The following CLDN10 variants were observed in gnomAD, a reference collection of about 807,000 sequenced individuals.
CLDN10 encodes the protein claudin 10.
A neutral mutation model predicts 22.9 loss-of-function variants in CLDN10; 15 were observed. That is an observed-to-expected ratio of 0.65 (90% CI 0.44 to 1.01). CLDN10 has a LOEUF of 1.01. CLDN10 is among the 50% of genes least tolerant of loss of function. CLDN10 has a pLI of 0.00. For synonymous variants in CLDN10, 114 were observed against 111.4 expected (o/e 1.02, Z -0.15); for missense variants, 247 against 287.8 (o/e 0.86, Z 1.03).
intron 1 of CLDN10, among the ~76,000 whole-genome samples, chr13:95,527,181 G>A (rs1466749948): frequency 1.3e-5 from 2 of 152,064 alleles, no homozygotes; most frequent in Non-Finnish European, 2.9e-5. Flanking sequence ...TTTCCTTATT[G>A]CCAATTTAGG....
chr13:95,445,131 C>T (rs932236179), intron 1 of CLDN10, among the ~76,000 whole-genome samples: 16 of 152,166 alleles, frequency 1.1e-4, no homozygotes, highest in African/African-American at 1.4e-4. Flanking sequence ...ATGATGGTGA[C>T]GACTGAATGC....
At chr13:95,512,020 C>T (rs1452258711) in intron 1 of CLDN10, among the ~76,000 whole-genome samples, 1 of 121,192 alleles carries the variant, frequency 8.3e-6, no homozygotes, top group African/African-American at 2.8e-5. Flanking sequence ...CCACAACAGT[C>T]CCCAGAGTTT....
intron 1 of CLDN10, among the ~76,000 whole-genome samples, chr13:95,451,974 AT>A (rs1393592642): frequency 2.6e-5 from 4 of 152,254 alleles, no homozygotes; most frequent in African/African-American, 4.8e-5. Context: ...AAGAGAAAGT[AT>A]TTAATACACA....
intron 1 of CLDN10, among the ~76,000 whole-genome samples, chr13:95,511,615 A>G (rs2043099249): frequency 1.4e-5 from 2 of 146,440 alleles, no homozygotes; most frequent in East Asian, 4.1e-4. Context: ...TCTTAGACAA[A>G]GATTCTCTCT....
intron 1 of CLDN10, among the ~76,000 whole-genome samples, chr13:95,524,856 T>C (rs1354829767): frequency 6.8e-6 from 1 of 146,884 alleles, no homozygotes; most frequent in Non-Finnish European, 1.5e-5. Flanking sequence ...ATTTTATTTA[T>C]TTATTTTTAT....
chr13:95,551,668 T>C (rs2043568393), upstream of CLDN10, among the ~76,000 whole-genome samples: 1 of 152,224 alleles, frequency 6.6e-6, no homozygotes, highest in African/African-American at 2.4e-5. Context: ...TCCTTACTTT[T>C]GGCAACAAGT....
At chr13:95,442,120 C>G (rs980532032) in intron 1 of CLDN10, among the ~76,000 whole-genome samples, 3 of 152,190 alleles carry the variant, frequency 2.0e-5, no homozygotes, top group African/African-American at 7.2e-5. Context: ...CATTTCACTC[C>G]AGCTTGGGTG....
intron 1 of CLDN10, among the ~76,000 whole-genome samples, chr13:95,478,082 G>T (rs957062395): frequency 1.3e-5 from 2 of 152,132 alleles, no homozygotes; most frequent in African/African-American, 4.8e-5. Flanking sequence ...GAGGCTGGCA[G>T]ATCACTTGAG....
chr13:95,560,378 T>A lies in CLDN10; in HGVS notation c.383-4T>A. The A allele has an allele frequency of 6.2e-7, 1 of 1,613,786 alleles. No homozygotes were observed. Among genetic ancestry groups the A allele is most frequent in the Non-Finnish European group, 8.5e-7 (1 of 1,179,644 alleles). On this transcript the variant is annotated splice_region_variant and splice_polypyrimidine_tract_variant and intron_variant, in intron 2 of 4. Transcript: ENST00000299339. ...CATAGTGCTTTCCCTCTAATATTTG[T>A]TAGGGCTGTGCTCAATGACTGGATG...
At chr13:95,488,469 G>A (rs976966642) in intron 1 of CLDN10, among the ~76,000 whole-genome samples, 19 of 151,526 alleles carry the variant, frequency 1.3e-4, no homozygotes, top group Non-Finnish European at 2.6e-4. Context: ...TCCATCACCC[G>A]AGCAGTATAC....
chr13:95,563,682 G>A (rs938090886), intron 3 of CLDN10, among the ~76,000 whole-genome samples: 1 of 152,140 alleles, frequency 6.6e-6, no homozygotes, highest in South Asian at 2.1e-4. Flanking sequence ...CAAGGCCTGA[G>A]AATTGTAGAT....
At chr13:95,488,725 A>G (rs1307644974) in intron 1 of CLDN10, among the ~76,000 whole-genome samples, 2 of 152,186 alleles carry the variant, frequency 1.3e-5, no homozygotes, top group African/African-American at 4.8e-5. Context: ...GTAGTATTCC[A>G]TCATATATAT....
intron 3 of CLDN10, among the ~76,000 whole-genome samples, chr13:95,567,998 T>C (rs2043807203): frequency 6.6e-6 from 1 of 152,232 alleles, no homozygotes. Flanking sequence ...GAATGGACAC[T>C]AGACAATGTA....
chr13:95,445,389 T>G (rs140912585), intron 1 of CLDN10, among the ~76,000 whole-genome samples: 150 of 152,338 alleles, frequency 9.8e-4, no homozygotes, highest in African/African-American at 3.5e-3. Flanking sequence ...TTGAAACATT[T>G]TAAGCAGAGA....
chr13:95,526,115 C>T (rs772981109), intron 1 of CLDN10, among the ~76,000 whole-genome samples: 4 of 151,906 alleles, frequency 2.6e-5, no homozygotes, highest in East Asian at 1.9e-4. Flanking sequence ...TTTTAATTTC[C>T]GAGAGAGTGT....
chr13:95,528,318 C>T (rs1252501979), intron 1 of CLDN10, among the ~76,000 whole-genome samples: 1 of 152,132 alleles, frequency 6.6e-6, no homozygotes, highest in Non-Finnish European at 1.5e-5. Context: ...TTCTCATTCT[C>T]TCTTGCCTGC....
upstream of CLDN10, among the ~76,000 whole-genome samples, chr13:95,551,687 G>A (rs1019378662): frequency 1.3e-5 from 2 of 152,174 alleles, no homozygotes; most frequent in Non-Finnish European, 2.9e-5. Flanking sequence ...GTGAAACCTG[G>A]AAGCTCATAA....
At chr13:95,567,047 G>C (rs2043796360) in intron 3 of CLDN10, among the ~76,000 whole-genome samples, 1 of 152,212 alleles carries the variant, frequency 6.6e-6, no homozygotes, top group African/African-American at 2.4e-5. Context: ...TTTGAAGTCA[G>C]GTAGCGTGAT....
chr13:95,511,272 T>C (rs936925324), intron 1 of CLDN10, among the ~76,000 whole-genome samples: 6 of 152,020 alleles, frequency 3.9e-5, no homozygotes, highest in African/African-American at 1.4e-4. Flanking sequence ...ATCCAAGCCA[T>C]TGTGGGATTT....
Sources: gnomAD v4.1 joint callset for allele counts (sites outside exome capture counted in the v4.1 genomes callset) on GRCh38, gnomAD v4.1.1 for gene constraint, MANE v1.5 for transcripts, NCBI Gene and HGNC (gene_info 2026-07-23, HGNC 2026-07-21) for gene names.